Variants in MCM5 observed in about 807,000 individuals in gnomAD.
The protein encoded by MCM5 is minichromosome maintenance complex component 5, also known as DNA replication licensing factor MCM5.
Under a neutral mutation model 79.9 loss-of-function variants are expected in MCM5, and 46 were observed. The observed-to-expected ratio is 0.58, with a 90% confidence interval of 0.45 to 0.74. MCM5 has a LOEUF of 0.74. Ranked by LOEUF, MCM5 falls within the 30% of genes least tolerant of loss-of-function variation. The pLI, the probability that MCM5 is intolerant of heterozygous loss-of-function variation, is 0.00. For missense variants in MCM5, 883 were observed against 1,017.0 expected, an observed-to-expected ratio of 0.87 and a Z score of 1.79; for synonymous variants, 404 against 390.5, an observed-to-expected ratio of 1.03 and a Z score of -0.41.
chr22:35,414,643 A>G (rs1932488285), intron 9 of MCM5, among the ~76,000 whole-genome samples: 2 of 151,852 alleles, frequency 1.3e-5, no homozygotes, highest in Admixed American at 1.3e-4. Context: ...AATAATAATA[A>G]TAATAATAAT....
At chr22:35,402,012 G>C (rs1932069118) in intron 2 of MCM5, among the ~76,000 whole-genome samples, 1 of 152,154 alleles carries the variant, frequency 6.6e-6, no homozygotes, top group South Asian at 2.1e-4. Flanking sequence ...AGGGAGACGG[G>C]GCTCAGGCCT....
At chr22:35,408,238 T>G (rs145201707) in intron 5 of MCM5, among the ~76,000 whole-genome samples, 170 bp from the exon 6 acceptor site, 221 of 152,300 alleles carry the variant, frequency 1.5e-3, no homozygotes, top group Admixed American at 2.9e-3. Context: ...AGTGTTGCCT[T>G]CCTTTCTTAC....
chr22:35,428,753 A>G (rs1314937120), downstream of MCM5, among the ~76,000 whole-genome samples: 1 of 152,030 alleles, frequency 6.6e-6, no homozygotes, highest in South Asian at 2.1e-4. Flanking sequence ...GCTCCTACTC[A>G]GGGCTCACCA....
At chr22:35,422,370 C>G (rs1177833367) in intron 15 of MCM5, 1 of 152,494 alleles carries the variant, frequency 6.6e-6, no homozygotes, top group Admixed American at 6.5e-5. Context: ...GACAGTGTGG[C>G]TCCTTGGGGG....
At chr22:35,432,104 A>G in the MCM5 span, among the ~76,000 whole-genome samples, 5 of 152,150 alleles carry the variant, frequency 3.3e-5, no homozygotes, top group Non-Finnish European at 5.9e-5. Flanking sequence ...TACATTCTCT[A>G]TGGGTTTCTA....
chr22:35,417,779 C>T lies in MCM5; in HGVS notation c.1626C>T (p.Ser542=), dbSNP rs148746788. The T allele has an allele frequency of 1.1e-5, 17 of 1,614,096 alleles. No homozygotes were observed. The highest frequency in any genetic ancestry group is 6.6e-5 in the South Asian group (6 of 91,080). Residue 542 remains serine, a synonymous_variant, in exon 13 of 17, where the codon AGC becomes AGT. Coordinates refer to ENST00000216122, the MANE Select transcript of MCM5 (RefSeq NM_006739.4). The stretch of plus-strand genomic sequence containing the variant: ...AGCATGTCATCACTCTGCACGTGAG[C>T]GCACTGACACAGACACAGGCTGTGG... The part of the protein sequence containing the change: ...LAKHVITLHV[S]ALTQTQAVEG...
downstream of MCM5, among the ~76,000 whole-genome samples, chr22:35,428,285 G>A (rs1932790927): frequency 6.6e-6 from 1 of 151,986 alleles, no homozygotes; most frequent in African/African-American, 2.4e-5. Flanking sequence ...GCCTCCCAAA[G>A]TGGTGGGATT....
rs771007296 is a variant in MCM5, at chr22:35,417,796, A to G, written c.1643A>G (p.Gln548Arg). Residue 548 changes from glutamine to arginine, a missense_variant, in exon 13 of 17, where the codon CAG becomes CGG. Coordinates refer to ENST00000216122, the MANE Select transcript of MCM5 (RefSeq NM_006739.4). The stretch of plus-strand genomic sequence containing the variant: ...CACGTGAGCGCACTGACACAGACAC[A>G]GGCTGTGGAGGGCGAGATTGACCTG... ...TLHVSALTQT[Q>R]AVEGEIDLAK... The G allele has an allele frequency of 6.2e-7, 1 of 1,614,014 alleles. No homozygotes were observed. The highest frequency in any genetic ancestry group is 1.7e-5 in the Admixed American group (1 of 60,004).
intron 13 of MCM5, among the ~76,000 whole-genome samples, chr22:35,418,960 GCTTCGATT>G (rs1275680790): frequency 6.6e-6 from 1 of 152,212 alleles, no homozygotes; most frequent in East Asian, 1.9e-4. Context: ...TAACCACAGT[GCTTCGATT>G]CTTGTCGTAC....
At chr22:35,440,997 C>T in the MCM5 span, among the ~76,000 whole-genome samples, 2 of 146,874 alleles carry the variant, frequency 1.4e-5, no homozygotes, top group South Asian at 4.3e-4. Context: ...GCGGAGGTTG[C>T]GGTGAGCTGA....
Position 35,403,512 on chromosome 22 carries a change from C to A in MCM5, c.393C>A (p.Asp131Glu), listed in dbSNP as rs146766693. Reference protein sequence around the residue: ...LQDIQVMLKSDASPSSIRSLK... With the variant: ...LQDIQVMLKSEASPSSIRSLK... Reference sequence around the variant, plus strand: ...ACATCCAGGTCATGCTCAAGTCGGACGCCAGCCCTTCCAGCATTCGTAGCC... The same window carrying A: ...ACATCCAGGTCATGCTCAAGTCGGAAGCCAGCCCTTCCAGCATTCGTAGCC... The change falls in exon 4 of 17, where the codon GAC becomes GAA. Residue 131 changes from aspartate to glutamate, a missense_variant. This residue lies in a region of MCM5 where 455 missense variants were observed against 517.5 expected (regional missense o/e 0.88). Transcript: ENST00000216122. 3 of 1,614,082 alleles carry A rather than the reference C, an allele frequency of 1.9e-6. No homozygotes were observed. The highest frequency in any genetic ancestry group is 2.5e-6 in the Non-Finnish European group (3 of 1,180,032).
chr22:35,421,684 C>T (rs1043380262), intron 15 of MCM5: 1 of 624,678 alleles, frequency 1.6e-6, no homozygotes, highest in Non-Finnish European at 2.9e-6. Flanking sequence ...GACCCTTGAA[C>T]ACAATCCTCT....
At chr22:35,434,280 T>C in the MCM5 span, among the ~76,000 whole-genome samples, 1 of 152,150 alleles carries the variant, frequency 6.6e-6, no homozygotes, top group Non-Finnish European at 1.5e-5. Flanking sequence ...AGCCCTTTTT[T>C]TCCCTACTAG....
chr22:35,424,459 G>A lies in MCM5; in HGVS notation c.*204G>A. On this transcript the variant is annotated 3_prime_UTR_variant, in exon 17 of 17. Coordinates refer to ENST00000216122, the MANE Select transcript of MCM5 (RefSeq NM_006739.4). ...CCTCTAGCGCGGTTCTGGGAAGTGT[G>A]CTTTTGGCATCCGTTAATAATAAAG... 1 of 508,876 alleles carries A rather than the reference G, an allele frequency of 2.0e-6. No homozygotes were observed. 31.5% of individuals were successfully genotyped at this position (508,876 alleles called of 1,614,324 possible).
the MCM5 span, among the ~76,000 whole-genome samples, chr22:35,439,426 TCCA>T: frequency 3.0e-5 from 2 of 67,516 alleles, no homozygotes; most frequent in Non-Finnish European, 5.2e-5. Flanking sequence ...TATTCATTCA[TCCA>T]TCCACCCACA....
chr22:35,412,210 ACTC>A (rs1932402619), intron 7 of MCM5, among the ~76,000 whole-genome samples: 1 of 150,556 alleles, frequency 6.6e-6, no homozygotes, highest in East Asian at 2.0e-4. Flanking sequence ...ACACTATATC[ACTC>A]CTCGGCTGAA....
intron 10 of MCM5, 79 bp from the exon 11 acceptor site, chr22:35,416,260 C>A: frequency 7.3e-7 from 1 of 1,370,600 alleles, no homozygotes; most frequent in Non-Finnish European, 1.0e-6. Flanking sequence ...GTGAGGGCTG[C>A]TGTTAGTTTT....
At chr22:35,432,348 C>G in the MCM5 span, among the ~76,000 whole-genome samples, 1 of 152,136 alleles carries the variant, frequency 6.6e-6, no homozygotes, top group Admixed American at 6.6e-5. Flanking sequence ...TGGCCTTGTG[C>G]TTTGAGATGA....
At chr22:35,420,291 G>A (rs1932662981) in intron 14 of MCM5, among the ~76,000 whole-genome samples, 1 of 152,202 alleles carries the variant, frequency 6.6e-6, no homozygotes, top group South Asian at 2.1e-4. Context: ...GAAGGACCCA[G>A]GCCTGGGAGT....
Sources: allele counts gnomAD v4.1 joint callset (sites outside exome capture counted in the v4.1 genomes callset), GRCh38; gene constraint gnomAD v4.1.1; regional missense constraint gnomAD v4.1.1; transcripts MANE v1.5; gene names NCBI Gene and HGNC (gene_info 2026-07-23, HGNC 2026-07-21).